CAMTA1: variants seen among roughly 807,000 people sequenced by gnomAD.
CAMTA1 encodes the protein calmodulin-binding transcription activator 1.
In CAMTA1, 27 loss-of-function variants were observed where a neutral mutation model predicts 170.9. The ratio of observed to expected loss-of-function variants is 0.16; its 90% CI spans 0.12 to 0.22. The LOEUF (loss-of-function observed/expected upper bound fraction) is 0.22, where lower values mean the gene tolerates loss of function less well. Ranked by LOEUF, CAMTA1 falls within the 10% of genes least tolerant of loss-of-function variation. CAMTA1 has a pLI of 1.00. For synonymous variants in CAMTA1, 833 were observed against 891.5 expected, an observed-to-expected ratio of 0.93 and a Z score of 1.17; for missense variants, 1,619 against 2,217.2, an observed-to-expected ratio of 0.73 and a Z score of 5.42.
At chr1:7,504,328 T>C (rs61010040) in intron 6 of CAMTA1, among the ~76,000 whole-genome samples, 3,849 of 152,354 alleles carry the variant, frequency 0.025, 146 homozygotes, top group African/African-American at 0.086. Flanking sequence ...GTGTGGCTCC[T>C]GGTACCCAGG....
rs941315427 is a variant in CAMTA1, at chr1:7,063,286, C to T, written c.235-28018C>T. On this transcript the variant is annotated intron_variant, in intron 3 of 22. Transcript: ENST00000303635. This position sits in a 1 kb window ranked among gnomAD's most constrained non-coding sequence, Gnocchi z 4.3. ...AGAATTCCTAGTGGAAAGACAGGGA[C>T]GACTCTTCCGCAACACCTCTCAGAC... Among the ~76,000 whole-genome samples, 1 of 152,168 alleles carries T rather than the reference C, an allele frequency of 6.6e-6. No individual in the cohort carries two copies. The highest frequency in any genetic ancestry group is 1.5e-5 in the Non-Finnish European group (1 of 68,032).
chr1:7,093,866 C>T lies in CAMTA1; in HGVS notation c.302+2495C>T, dbSNP rs1340883493. 6.6e-6 allele frequency among the ~76,000 whole-genome samples: 1 copy of T among 152,204 alleles called. No homozygotes were observed. The highest frequency in any genetic ancestry group is 1.5e-5 in the Non-Finnish European group (1 of 68,052). On this transcript the variant is annotated intron_variant, in intron 4 of 22. Coordinates refer to ENST00000303635, the MANE Select transcript of CAMTA1 (RefSeq NM_015215.4). The surrounding 1 kb of genome is among the most constrained non-coding windows in gnomAD (Gnocchi z 4.6). ...AAGGTCATCTTAGCTCCTTTAAAAG[C>T]CCTGGTTTTTCTTCTTCATATAGAA...
At chr1:7,629,293 G>C (rs1009770173) in intron 6 of CAMTA1, among the ~76,000 whole-genome samples, 7 of 152,198 alleles carry the variant, frequency 4.6e-5, no homozygotes, top group Non-Finnish European at 8.8e-5. Context: ...CCACCCTGGT[G>C]GGGGCACCGG....
intron 6 of CAMTA1, among the ~76,000 whole-genome samples, chr1:7,524,839 A>G (rs1175959555): frequency 6.6e-6 from 1 of 151,822 alleles, no homozygotes; most frequent in Non-Finnish European, 1.5e-5. Context: ...TTGACTCGCA[A>G]TCCTGTCCTC....
At chr1:7,537,512 ACT>A (rs980346293) in intron 6 of CAMTA1, among the ~76,000 whole-genome samples, 1 of 151,992 alleles carries the variant, frequency 6.6e-6, no homozygotes, top group African/African-American at 2.4e-5. Flanking sequence ...AGCGGGGCTG[ACT>A]CTCAGGCTGC....
intron 5 of CAMTA1, among the ~76,000 whole-genome samples, chr1:7,399,477 T>C (rs2089717663): frequency 6.6e-6 from 1 of 152,232 alleles, no homozygotes; most frequent in African/African-American, 2.4e-5. Context: ...AAAAATGGAC[T>C]AAGGCACCTT....
At chr1:7,550,616 C>T (rs1032516779) in intron 6 of CAMTA1, among the ~76,000 whole-genome samples, 2 of 151,734 alleles carry the variant, frequency 1.3e-5, no homozygotes, top group Admixed American at 6.6e-5. Flanking sequence ...TACCTGGCCC[C>T]CTCCCACCTG....
chr1:7,315,803 A>G (rs1298831387), intron 5 of CAMTA1, among the ~76,000 whole-genome samples: 3 of 152,040 alleles, frequency 2.0e-5, no homozygotes, highest in African/African-American at 7.3e-5. Flanking sequence ...TGGCTTATAG[A>G]TGCGTCACTG....
intron 4 of CAMTA1, among the ~76,000 whole-genome samples, chr1:7,213,045 C>G (rs1326964611): frequency 6.6e-6 from 1 of 152,158 alleles, no homozygotes; most frequent in Non-Finnish European, 1.5e-5. Context: ...TAGTTCTTGG[C>G]AATTACATAT....
intron 3 of CAMTA1, among the ~76,000 whole-genome samples, chr1:7,053,017 C>T (rs913784794): frequency 6.6e-6 from 1 of 152,204 alleles, no homozygotes; most frequent in Admixed American, 6.5e-5. Context: ...CTGCCAGCCT[C>T]GCCCGGCCAC....
At chr1:6,992,832 G>A (rs993336504) in intron 3 of CAMTA1, among the ~76,000 whole-genome samples, 1 of 152,214 alleles carries the variant, frequency 6.6e-6, no homozygotes, top group African/African-American at 2.4e-5. Flanking sequence ...CAACACTGGG[G>A]ATTACAATTT....
chr1:6,960,123 T>C (rs1220292602), intron 3 of CAMTA1, among the ~76,000 whole-genome samples: 1 of 152,224 alleles, frequency 6.6e-6, no homozygotes, highest in Non-Finnish European at 1.5e-5. Flanking sequence ...ATTCTATGTT[T>C]AATTTTTCTT....
chr1:7,643,210 T>A (rs2095778859), intron 7 of CAMTA1, among the ~76,000 whole-genome samples: 5 of 150,230 alleles, frequency 3.3e-5, no homozygotes, highest in African/African-American at 1.0e-4. Context: ...GCCTTCTGTC[T>A]GCTTCTTCTT....
intron 3 of CAMTA1, among the ~76,000 whole-genome samples, chr1:6,876,275 G>A (rs968081476): frequency 6.6e-6 from 1 of 151,566 alleles, no homozygotes; most frequent in Admixed American, 6.6e-5. Flanking sequence ...CAATGTATCT[G>A]TCATCAGACT....
At chr1:7,400,675 G>A (rs1259988174) in intron 5 of CAMTA1, among the ~76,000 whole-genome samples, 1 of 152,124 alleles carries the variant, frequency 6.6e-6, no homozygotes, top group Non-Finnish European at 1.5e-5. Flanking sequence ...TAGAGTATAC[G>A]TTGGGTAGGG....
At chr1:7,411,874 C>A (rs947283819) in intron 5 of CAMTA1, among the ~76,000 whole-genome samples, 1 of 151,612 alleles carries the variant, frequency 6.6e-6, no homozygotes, top group African/African-American at 2.4e-5. Context: ...CGTCATTTAG[C>A]ATTAGGTATA....
chr1:7,383,689 C>T (rs2087604837), intron 5 of CAMTA1, among the ~76,000 whole-genome samples: 2 of 151,964 alleles, frequency 1.3e-5, no homozygotes, highest in South Asian at 4.2e-4. Context: ...GCTGCTGCTA[C>T]TGTCGATGCT....
intron 3 of CAMTA1, among the ~76,000 whole-genome samples, chr1:7,028,106 T>G (rs911801862): frequency 1.3e-5 from 2 of 152,138 alleles, no homozygotes; most frequent in African/African-American, 4.8e-5. Context: ...GGTTTCACCA[T>G]GTTGGTCAGG....
rs1668482517 is a variant in CAMTA1 at position 6,871,823 on chromosome 1, C to T, written c.234+46613C>T. ...TGTGTGACCCTTCACCTTTGATCCC[C>T]TGACCTGCATTACCTTGGTAACCAT... On this transcript the variant is annotated intron_variant, in intron 3 of 22. Coordinates refer to ENST00000303635, the MANE Select transcript of CAMTA1 (RefSeq NM_015215.4). 3.3e-6 allele frequency: 5 copies of T among 1,516,050 alleles called. No individual in the cohort carries two copies. The South Asian group carries it at 6.3e-5, about 19-fold the overall frequency. 93.9% of individuals were successfully genotyped at this position (1,516,050 alleles called of 1,614,324 possible).
Sources: allele counts gnomAD v4.1 joint callset (sites outside exome capture counted in the v4.1 genomes callset), GRCh38; gene constraint gnomAD v4.1.1; non-coding constraint Gnocchi (gnomAD v3.1); transcripts MANE v1.5; gene names NCBI Gene and HGNC (gene_info 2026-07-23, HGNC 2026-07-21).